The following PPP2R1B variants were observed in gnomAD, a reference collection of about 807,000 sequenced individuals.
PPP2R1B encodes protein phosphatase 2 scaffold subunit Abeta.
In PPP2R1B, 58 loss-of-function variants were observed where a neutral mutation model predicts 72.7. That is an observed-to-expected ratio of 0.80 (90% CI 0.65 to 0.99). The LOEUF is 0.99. Among genes scored for constraint, PPP2R1B ranks in the 50% least tolerant of loss-of-function variants. PPP2R1B has a pLI of 0.00. For missense variants in PPP2R1B, 695 were observed against 733.6 expected (o/e 0.95, Z 0.61); for synonymous variants, 256 against 264.6 (o/e 0.97, Z 0.32).
the PPP2R1B span, chr11:111,688,195 C>T: frequency 2.5e-6 from 4 of 1,610,576 alleles, no homozygotes; most frequent in East Asian, 2.2e-5. The surrounding 1 kb of genome is among the most constrained non-coding windows in gnomAD (Gnocchi z 4.2). Flanking sequence ...TAATAAGATC[C>T]GAAGTGAGCC....
At chr11:111,749,502 C>G (rs1944824720) in intron 10 of PPP2R1B, among the ~76,000 whole-genome samples, 1 of 152,016 alleles carries the variant, frequency 6.6e-6, no homozygotes, top group Non-Finnish European at 1.5e-5. Context: ...TCAGGCTGGG[C>G]TCAAACTCCT....
intron 10 of PPP2R1B, among the ~76,000 whole-genome samples, chr11:111,748,662 C>CG (rs1944791079): frequency 1.3e-5 from 2 of 152,282 alleles, no homozygotes; most frequent in Non-Finnish European, 2.9e-5. Context: ...CCTCTAACCC[C>CG]GGGGCTTCCA....
chr11:111,751,189 A>G (rs1944895081), intron 10 of PPP2R1B, among the ~76,000 whole-genome samples: 1 of 152,132 alleles, frequency 6.6e-6, no homozygotes, highest in Non-Finnish European at 1.5e-5. Flanking sequence ...TTTAATCAGA[A>G]TGTAGGGCAA....
intron 4 of PPP2R1B, 35 bp from the exon 5 acceptor site, chr11:111,759,986 A>G: frequency 6.2e-7 from 1 of 1,601,200 alleles, no homozygotes; most frequent in Middle Eastern, 1.7e-4. Flanking sequence ...TTTCCCATCA[A>G]ATAACACTGA....
the PPP2R1B span, among the ~76,000 whole-genome samples, chr11:111,706,951 C>T: frequency 7.1e-6 from 1 of 140,606 alleles, no homozygotes; most frequent in Non-Finnish European, 1.5e-5. Context: ...CAGAGCAGGA[C>T]TCCGTCTCAA....
At chr11:111,737,764 C>T (rs149625379), downstream of PPP2R1B, 6,892 of 1,322,180 alleles carry the variant, frequency 5.2e-3, 22 homozygotes, top group Middle Eastern at 0.016. Context: ...GCCTTTCCCT[C>T]GGGGCCCTGG....
chr11:111,726,920 T>G, exon 16 of PPP2R1B: 1 of 1,588,838 alleles, frequency 6.3e-7, no homozygotes, highest in Non-Finnish European at 8.6e-7. Flanking sequence ...AAGTGCAATA[T>G]GTGTGGTACT....
chr11:111,762,844 C>A (rs1261753403), intron 3 of PPP2R1B, among the ~76,000 whole-genome samples: 4 of 152,154 alleles, frequency 2.6e-5, no homozygotes, highest in Non-Finnish European at 5.9e-5. Flanking sequence ...CAGCCACACT[C>A]CGGCAGTTTT....
rs762131978 is a variant in PPP2R1B at position 111,741,575 on chromosome 11, C to T, written c.*21G>A. 1 of 1,612,370 alleles carries T rather than the reference C, an allele frequency of 6.2e-7. No individual in the cohort carries two copies. Among genetic ancestry groups the T allele is most frequent in the South Asian group, 1.1e-5 (1 of 90,470 alleles). On this transcript the variant is annotated 3_prime_UTR_variant, in exon 15 of 15. Coordinates refer to ENST00000527614, the MANE Select transcript of PPP2R1B (RefSeq NM_002716.5). ...ATTTGTGACAAGAATCTAGTAAAGG[C>T]CTTTTCCCTCCTGCTCCTCATTATG...
chr11:111,743,540 A>G lies in PPP2R1B; in HGVS notation c.1400-10T>C. On this transcript the variant is annotated splice_polypyrimidine_tract_variant and intron_variant, in intron 11 of 14. Transcript: ENST00000527614. ...TCTCGGATGGCGTATACTGCAGAAG[A>G]GGTCAAAAACATGTTCTCATATCGC... 1 of 1,597,852 alleles carries G rather than the reference A, an allele frequency of 6.3e-7. No homozygotes were observed. The highest frequency in any genetic ancestry group is 8.5e-7 in the Non-Finnish European group (1 of 1,175,382).
chr11:111,724,400 G>A, downstream of PPP2R1B: 2 of 478,654 alleles, frequency 4.2e-6, no homozygotes, highest in South Asian at 2.6e-5. Flanking sequence ...CTCGAGGGCA[G>A]CACTGACAAA....
chr11:111,720,761 G>A, the PPP2R1B span: 4 of 1,583,848 alleles, frequency 2.5e-6, no homozygotes, highest in South Asian at 4.7e-5. Context: ...CCCTCACCCA[G>A]GGTGAGCACT....
At chr11:111,689,184 G>A in the PPP2R1B span, among the ~76,000 whole-genome samples, 2 of 152,154 alleles carry the variant, frequency 1.3e-5, no homozygotes, top group African/African-American at 4.8e-5. Flanking sequence ...TTGATACAGG[G>A]GGAGCAGATA....
chr11:111,733,124 G>A (rs1944243147), downstream of PPP2R1B, among the ~76,000 whole-genome samples: 1 of 152,206 alleles, frequency 6.6e-6, no homozygotes. Flanking sequence ...CCAAACCCAA[G>A]GTCAGGCAGG....
At chr11:111,757,186 T>C (rs139007175) in intron 5 of PPP2R1B, among the ~76,000 whole-genome samples, 1 of 152,140 alleles carries the variant, frequency 6.6e-6, no homozygotes, top group Non-Finnish European at 1.5e-5. Flanking sequence ...ATTTGTGTAT[T>C]ATACATATAT....
intron 3 of PPP2R1B, among the ~76,000 whole-genome samples, chr11:111,762,726 T>TG (rs1565481685): frequency 6.6e-6 from 1 of 151,914 alleles, no homozygotes; most frequent in Non-Finnish European, 1.5e-5. Flanking sequence ...TTTTAAGTGT[T>TG]GGGGTCTCAC....
At chr11:111,713,438 A>G in the PPP2R1B span, among the ~76,000 whole-genome samples, 2 of 152,140 alleles carry the variant, frequency 1.3e-5, no homozygotes, top group African/African-American at 4.8e-5. Flanking sequence ...GTTTTCTCTT[A>G]TATAAAAGGA....
intron 2 of PPP2R1B, among the ~76,000 whole-genome samples, 183 bp downstream of exon 2, chr11:111,765,109 CAA>C (rs1945473638): frequency 6.6e-6 from 1 of 152,214 alleles, no homozygotes. Flanking sequence ...CAATTACTTT[CAA>C]TAGCTAAATG....
downstream of PPP2R1B, chr11:111,724,759 G>A (rs4936666): frequency 9.0e-3 from 1,369 of 152,744 alleles, 12 homozygotes; most frequent in South Asian, 0.026. Flanking sequence ...CCCAGAAACC[G>A]CCTTCATCTC....
Sources: gnomAD v4.1 joint callset for allele counts (sites outside exome capture counted in the v4.1 genomes callset) on GRCh38, gnomAD v4.1.1 for gene constraint, Gnocchi (gnomAD v3.1) non-coding constraint, MANE v1.5 for transcripts, NCBI Gene and HGNC (gene_info 2026-07-23, HGNC 2026-07-21) for gene names.